The following DNAH11 variants were observed in gnomAD, a reference collection of about 807,000 sequenced individuals.
DNAH11 encodes the protein axonemal beta dynein heavy chain 11.
In DNAH11, 442 loss-of-function variants were observed where a neutral mutation model predicts 526.0. The ratio of observed to expected loss-of-function variants is 0.84; its 90% CI spans 0.78 to 0.91. The LOEUF is 0.91. DNAH11 is among the 40% of genes least tolerant of loss of function. DNAH11 has a pLI of 0.00. For missense variants in DNAH11, 6,989 were observed against 5,448.7 expected (o/e 1.28, Z -8.90); for synonymous variants, 2,461 against 1,935.9 (o/e 1.27, Z -7.12).
chr7:21,757,050 G>C (rs1786669180), intron 54 of DNAH11, among the ~76,000 whole-genome samples: 1 of 152,314 alleles, frequency 6.6e-6, no homozygotes, highest in Admixed American at 6.5e-5. Context: ...ATTGGATGGA[G>C]GGAAGGAGGA....
At chr7:21,877,283 C>T (rs551232503) in intron 74 of DNAH11, among the ~76,000 whole-genome samples, 1 of 152,234 alleles carries the variant, frequency 6.6e-6, no homozygotes, top group South Asian at 2.1e-4. Context: ...ACTTATAGCT[C>T]ACTGCAGCCT....
chr7:21,704,631 A>G lies in DNAH11; in HGVS notation c.6468+3A>G. 8 of 1,586,934 alleles carry G rather than the reference A, an allele frequency of 5.0e-6. No individual in the cohort carries two copies. The highest frequency in any genetic ancestry group is 2.0e-5 in the Admixed American group (1 of 50,658). Reference sequence around the variant, plus strand: ...CTGAAGAGAGCTTCATCCTCAAAGTAAAAGGAGCATTTGCTTTTCATGGCA... The same window carrying G: ...CTGAAGAGAGCTTCATCCTCAAAGTGAAAGGAGCATTTGCTTTTCATGGCA... On this transcript the variant is annotated splice_donor_region_variant and intron_variant, in intron 38 of 81. Transcript: ENST00000409508.
chr7:21,550,394 G>A (rs898639633), intron 2 of DNAH11, among the ~76,000 whole-genome samples: 2 of 152,172 alleles, frequency 1.3e-5, no homozygotes, highest in African/African-American at 4.8e-5. Context: ...TATATGGCCA[G>A]TATATAATGT....
chr7:21,688,180 T>C (rs1288075096), intron 34 of DNAH11, among the ~76,000 whole-genome samples: 4 of 152,148 alleles, frequency 2.6e-5, no homozygotes, highest in South Asian at 2.1e-4. Flanking sequence ...TGATATACTT[T>C]CTTCACGTGG....
chr7:21,822,880 C>A (rs7780026), intron 65 of DNAH11, among the ~76,000 whole-genome samples: 3 of 150,836 alleles, frequency 2.0e-5, no homozygotes, highest in African/African-American at 7.3e-5. Context: ...ATTTCATATA[C>A]CCGTTGGCCA....
chr7:21,685,883 C>T (rs1439782361), intron 32 of DNAH11, among the ~76,000 whole-genome samples: 2 of 152,178 alleles, frequency 1.3e-5, no homozygotes, highest in African/African-American at 2.4e-5. Context: ...GTCATTTCTG[C>T]ACATACACCA....
chr7:21,872,352 T>C (rs958719851), intron 73 of DNAH11, among the ~76,000 whole-genome samples: 4 of 152,112 alleles, frequency 2.6e-5, no homozygotes, highest in Non-Finnish European at 4.4e-5. Context: ...GCTTAGATCT[T>C]TTTGCAATAG....
At chr7:21,761,002 AAATAT>A (rs2128496480) in intron 54 of DNAH11, among the ~76,000 whole-genome samples, 1 of 152,294 alleles carries the variant, frequency 6.6e-6, no homozygotes, top group Non-Finnish European at 1.5e-5. Context: ...AAATTATGGG[AAATAT>A]AATGGGAAAA....
intron 28 of DNAH11, among the ~76,000 whole-genome samples, chr7:21,640,823 T>G (rs563624250): frequency 6.6e-6 from 1 of 152,288 alleles, no homozygotes; most frequent in Admixed American, 6.5e-5. Flanking sequence ...AATAACTTGG[T>G]GTTGGGAGGG....
At chr7:21,821,485 A>C (rs34463432) in intron 65 of DNAH11, among the ~76,000 whole-genome samples, 1 of 152,004 alleles carries the variant, frequency 6.6e-6, no homozygotes, top group Non-Finnish European at 1.5e-5. Context: ...ACCCAGAGAC[A>C]TTAATTAACG....
Position 21,588,057 on chromosome 7 carries a change from T to C in DNAH11, c.1711-7T>C. On this transcript the variant is annotated splice_region_variant and splice_polypyrimidine_tract_variant and intron_variant, in intron 9 of 81. Transcript: ENST00000409508. ...GCTTAATGTTGCCTTCACTTTGATTTTTATAGCTTTTGACCATATTTGGAA... is the reference window on the plus strand; with the variant it reads ...GCTTAATGTTGCCTTCACTTTGATTCTTATAGCTTTTGACCATATTTGGAA... 6.2e-7 allele frequency: 1 copy of C among 1,612,600 alleles called. No homozygotes were observed. The highest frequency in any genetic ancestry group is 8.5e-7 in the Non-Finnish European group (1 of 1,179,408).
intron 22 of DNAH11, among the ~76,000 whole-genome samples, chr7:21,616,856 C>T (rs992236903): frequency 6.6e-6 from 1 of 152,146 alleles, no homozygotes; most frequent in Non-Finnish European, 1.5e-5. Flanking sequence ...GACAGAGCAT[C>T]TTTGGATAAA....
chr7:21,557,183 C>T (rs1468380678), intron 2 of DNAH11, among the ~76,000 whole-genome samples: 1 of 152,194 alleles, frequency 6.6e-6, no homozygotes, highest in African/African-American at 2.4e-5. Flanking sequence ...GCCGTCCTCA[C>T]AGCCCAAGTA....
At chr7:21,639,406 A>T (rs1787019406) in intron 28 of DNAH11, among the ~76,000 whole-genome samples, 1 of 152,184 alleles carries the variant, frequency 6.6e-6, no homozygotes, top group Non-Finnish European at 1.5e-5. Context: ...CCTAGGGGAG[A>T]AAGGGTCACT....
chr7:21,645,027 T>C (rs1308310648), intron 28 of DNAH11, among the ~76,000 whole-genome samples: 1 of 152,252 alleles, frequency 6.6e-6, no homozygotes, highest in East Asian at 1.9e-4. Context: ...TATTCTATTG[T>C]AGCCCCTTTG....
chr7:21,591,508 G>C lies in DNAH11; in HGVS notation c.2598G>C (p.Lys866Asn), dbSNP rs1784687735. ...RREAAFTLED[K>N]GDLFTKKYKL... The stretch of plus-strand genomic sequence containing the variant: ...AGGCAGCCTTCACCTTGGAGGACAA[G>C]GGTGATTTGTTTACAAAAAAATACA... Residue 866 changes from lysine (K) to asparagine (N), a missense_variant, in exon 14 of 82, where the codon AAG becomes AAC. Coordinates refer to ENST00000409508, the MANE Select transcript of DNAH11 (RefSeq NM_001277115.2). The C allele has an allele frequency of 6.2e-7, 1 of 1,601,988 alleles. No homozygotes were observed. The highest frequency in any genetic ancestry group is 8.5e-7 in the Non-Finnish European group (1 of 1,171,530).
Position 21,698,118 on chromosome 7 carries a change from A to G in DNAH11, c.6085A>G (p.Ile2029Val). The G allele has an allele frequency of 6.2e-7, 1 of 1,613,498 alleles. No homozygotes were observed. The highest frequency in any genetic ancestry group is 8.5e-7 in the Non-Finnish European group (1 of 1,179,700). Reference sequence around the variant, plus strand: ...CCCTGACATTGAGCTAATCTGTGAAATCTTGTTAGTTGCTGAAGGTTTTGT... The same window carrying G: ...CCCTGACATTGAGCTAATCTGTGAAGTCTTGTTAGTTGCTGAAGGTTTTGT... Reference protein sequence around the residue: ...VAPDIELICEILLVAEGFVDA... With the variant: ...VAPDIELICEVLLVAEGFVDA... The change falls in exon 36 of 82, where the codon ATC becomes GTC. Residue 2029 changes from isoleucine (I) to valine (V), a missense_variant. Coordinates refer to ENST00000409508, the MANE Select transcript of DNAH11 (RefSeq NM_001277115.2).
intron 36 of DNAH11, 120 bp from the exon 37 acceptor site, chr7:21,702,590 G>T: frequency 1.4e-6 from 1 of 732,166 alleles, no homozygotes. Flanking sequence ...ATAGTATTTT[G>T]AATCATTAAA....
At chr7:21,883,213 A>C (rs1783990292) in intron 75 of DNAH11, among the ~76,000 whole-genome samples, 2 of 152,250 alleles carry the variant, frequency 1.3e-5, no homozygotes, top group African/African-American at 4.8e-5. Context: ...CAACAAGCGA[A>C]GGCTATAATT....
Sources: gnomAD v4.1 joint callset for allele counts (sites outside exome capture counted in the v4.1 genomes callset) on GRCh38, gnomAD v4.1.1 for gene constraint, MANE v1.5 for transcripts, NCBI Gene and HGNC (gene_info 2026-07-23, HGNC 2026-07-21) for gene names.